NRG1: variants seen among roughly 807,000 people sequenced by gnomAD.
NRG1 encodes neuregulin 1, also known as pro-neuregulin-1, membrane-bound isoform.
In NRG1, 18 loss-of-function variants were observed where a neutral mutation model predicts 63.8. The ratio of observed to expected loss-of-function variants is 0.28; its 90% CI spans 0.19 to 0.42. The LOEUF (loss-of-function observed/expected upper bound fraction) is 0.42. Among genes scored for constraint, NRG1 ranks in the 10% least tolerant of loss-of-function variants. The pLI is 1.00. For missense variants in NRG1, 762 were observed against 814.7 expected, an observed-to-expected ratio of 0.94 and a Z score of 0.79; for synonymous variants, 302 against 301.3, an observed-to-expected ratio of 1.00 and a Z score of -0.02.
Position 32,054,867 on chromosome 8 carries a change from T to C in NRG1, c.37+415436T>C, listed in dbSNP as rs1389549106. On this transcript the variant is annotated intron_variant, in intron 1 of 10. Transcript: ENST00000519301. ...GAAAAGCAGATTTCTTTCTTTCTTT[T>C]TTTTTTTTTTTTTTTTTTTTTTTTT... is the stretch of plus-strand genomic sequence containing the variant. Among the ~76,000 whole-genome samples, 59 of 13,818 alleles carry C rather than the reference T, an allele frequency of 4.3e-3. 1 individual carries two copies. Among genetic ancestry groups the C allele is most frequent in the African/African-American group, 0.01 (52 of 5,154 alleles). The allele number at this position is 13,818 out of a possible 152,430, so 9.1% of individuals were successfully genotyped here.
At chr8:32,377,083 G>T (rs954728631) in intron 1 of NRG1, among the ~76,000 whole-genome samples, 1 of 152,124 alleles carries the variant, frequency 6.6e-6, no homozygotes, top group African/African-American at 2.4e-5. Flanking sequence ...TTGAATAAAA[G>T]CCAAGGGCAT....
intron 1 of NRG1, among the ~76,000 whole-genome samples, chr8:31,818,837 C>G (rs2129602961): frequency 6.6e-6 from 1 of 152,234 alleles, no homozygotes; most frequent in South Asian, 2.1e-4. Flanking sequence ...GGGGGCAGAT[C>G]ACGAGGTCAG....
intron 1 of NRG1, among the ~76,000 whole-genome samples, chr8:32,085,220 C>T (rs1023498203): frequency 7.2e-5 from 11 of 152,144 alleles, no homozygotes; most frequent in Non-Finnish European, 1.6e-4. Flanking sequence ...TTGTTTATTT[C>T]CTTGTATAAG....
intron 1 of NRG1, among the ~76,000 whole-genome samples, chr8:32,446,884 A>G (rs1216057520): frequency 6.6e-6 from 1 of 152,172 alleles, no homozygotes; most frequent in Non-Finnish European, 1.5e-5. Flanking sequence ...TCAGGAAGGA[A>G]GGTCAGACAA....
At chr8:32,360,905 C>T (rs528559499) in intron 1 of NRG1, among the ~76,000 whole-genome samples, 8 of 152,222 alleles carry the variant, frequency 5.3e-5, no homozygotes, top group Admixed American at 2.6e-4. Flanking sequence ...ACTGGTGGTT[C>T]GGAGGTAGAG....
intron 1 of NRG1, among the ~76,000 whole-genome samples, chr8:32,469,401 A>G (rs1011321844): frequency 3.3e-5 from 5 of 152,150 alleles, no homozygotes; most frequent in Non-Finnish European, 5.9e-5. Flanking sequence ...TGGATGGTAA[A>G]CCAAGTTTGG....
At chr8:31,987,320 ATG>A (rs545275263) in intron 1 of NRG1, among the ~76,000 whole-genome samples, 3,467 of 125,754 alleles carry the variant, frequency 0.028, 164 homozygotes, top group African/African-American at 0.1. Context: ...AAACATATAT[ATG>A]TGTGTGTGTG....
At chr8:32,536,867 T>G (rs1832024917) in intron 1 of NRG1, among the ~76,000 whole-genome samples, 1 of 125,372 alleles carries the variant, frequency 8.0e-6, no homozygotes, top group African/African-American at 3.1e-5. Flanking sequence ...GAGCTTGCAG[T>G]GAGCGGAGAT....
intron 1 of NRG1, among the ~76,000 whole-genome samples, chr8:32,475,756 G>C (rs1824443894): frequency 6.6e-6 from 1 of 152,144 alleles, no homozygotes; most frequent in Non-Finnish European, 1.5e-5. Flanking sequence ...GTGTGGCAGA[G>C]GGAAAAGAAG....
At chr8:32,671,429 A>G (rs1805619549) in intron 5 of NRG1, among the ~76,000 whole-genome samples, 1 of 152,164 alleles carries the variant, frequency 6.6e-6, no homozygotes, top group Admixed American at 6.5e-5. Flanking sequence ...AGAGGAATGG[A>G]TTAGAAGTTT....
chr8:32,341,319 A>T (rs929469263), intron 1 of NRG1, among the ~76,000 whole-genome samples: 6 of 152,232 alleles, frequency 3.9e-5, no homozygotes, highest in Non-Finnish European at 8.8e-5. Context: ...CTGTTCACTT[A>T]GCAGGCAGAT....
At chr8:32,104,209 C>T (rs549912652) in intron 1 of NRG1, among the ~76,000 whole-genome samples, 16 of 152,270 alleles carry the variant, frequency 1.1e-4, no homozygotes, top group South Asian at 8.3e-4. Context: ...CAAATCTGTA[C>T]GGCATGTTAC....
intron 1 of NRG1, among the ~76,000 whole-genome samples, chr8:32,047,219 C>T (rs1821155169): frequency 6.6e-6 from 1 of 151,994 alleles, no homozygotes; most frequent in Non-Finnish European, 1.5e-5. Context: ...TGGAACTTTA[C>T]CTAATTCACC....
intron 1 of NRG1, among the ~76,000 whole-genome samples, chr8:32,141,320 T>C (rs1836222942): frequency 6.6e-6 from 1 of 151,950 alleles, no homozygotes; most frequent in South Asian, 2.1e-4. Context: ...GATTTGCCAC[T>C]AACTCTTTGG....
intron 5 of NRG1, 69 bp from the exon 6 acceptor site, chr8:32,727,880 A>T: frequency 6.7e-7 from 1 of 1,482,148 alleles, no homozygotes; most frequent in Non-Finnish European, 9.3e-7. Context: ...AGGATAATTT[A>T]AGATTAAAGG....
chr8:32,757,559 A>C (rs554643004), intron 9 of NRG1, among the ~76,000 whole-genome samples: 74 of 152,328 alleles, frequency 4.9e-4, no homozygotes, highest in Admixed American at 1.6e-3. Flanking sequence ...ATAGGTTAAC[A>C]CACTCTGTTG....
At chr8:31,730,134 T>G (rs1210797377) in intron 1 of NRG1, among the ~76,000 whole-genome samples, 2 of 152,172 alleles carry the variant, frequency 1.3e-5, no homozygotes, top group Non-Finnish European at 2.9e-5. Context: ...TGTGGTTTGA[T>G]TAATCCAAAA....
intron 1 of NRG1, among the ~76,000 whole-genome samples, chr8:31,927,610 G>T (rs1358908772): frequency 6.7e-6 from 1 of 149,498 alleles, no homozygotes; most frequent in Admixed American, 6.6e-5. Flanking sequence ...CACTACGCCC[G>T]GCTAATTTTT....
chr8:32,770,844 G>A (rs562519201), downstream of NRG1, among the ~76,000 whole-genome samples: 17 of 152,290 alleles, frequency 1.1e-4, no homozygotes, highest in African/African-American at 3.8e-4. Flanking sequence ...AAGCCTGAAA[G>A]TGTCTAACAC....
Sources: allele counts gnomAD v4.1 joint callset (sites outside exome capture counted in the v4.1 genomes callset), GRCh38; gene constraint gnomAD v4.1.1; transcripts MANE v1.5; gene names NCBI Gene and HGNC (gene_info 2026-07-23, HGNC 2026-07-21).